The following PTPA variants were observed in gnomAD, a reference collection of about 807,000 sequenced individuals.
PTPA encodes protein phosphatase 2 phosphatase activator, also known as serine/threonine-protein phosphatase 2A activator.
PTPA carries 13 observed loss-of-function variants against 43.6 expected under a neutral mutation model. The ratio of observed to expected loss-of-function variants is 0.30; its 90% CI spans 0.19 to 0.47. The LOEUF is 0.47. Ranked by LOEUF, PTPA falls within the 20% of genes least tolerant of loss-of-function variation. The pLI is 0.99. For missense variants in PTPA, 329 were observed against 411.9 expected, an observed-to-expected ratio of 0.80 and a Z score of 1.74; for synonymous variants, 172 against 158.2, an observed-to-expected ratio of 1.09 and a Z score of -0.66.
rs1588511957 is a variant in PTPA at position 129,132,200 on chromosome 9, CG to C, written c.460+562del. 3.9e-5 allele frequency among the ~76,000 whole-genome samples: 6 copies of C among 152,038 alleles called. 1 individual carries two copies. In the East Asian group the frequency reaches 1.2e-3, roughly 29 times the overall value. On this transcript the variant is annotated intron_variant, in intron 5 of 9. Transcript: ENST00000393370. Reference sequence around the variant, plus strand: ...GGAAGTGTAGACAGGTGCAGTGGTGCGTGCCTGTAATCCTAGCACTTTTGGA... The same window carrying C: ...GGAAGTGTAGACAGGTGCAGTGGTGCTGCCTGTAATCCTAGCACTTTTGGA...
chr9:129,118,833 GC>G (rs1385124154), intron 1 of PTPA, among the ~76,000 whole-genome samples: 1 of 140,670 alleles, frequency 7.1e-6, no homozygotes, highest in African/African-American at 2.7e-5. Context: ...TTTTTTTGAT[GC>G]ATTAAACACC....
At position 129,140,645 on chromosome 9, in the gene PTPA, C is replaced by T. The variant is rs550831980; in HGVS notation, c.787-1800C>T. ...CCGGGCAGGCCCCTGGCAGACAAAG[C>T]CGACAAAGCCGACAGGGTGCCTCCT... On this transcript the variant is annotated intron_variant, in intron 8 of 9. Coordinates refer to ENST00000393370, the MANE Select transcript of PTPA (RefSeq NM_178000.3). 1.6e-4 allele frequency among the ~76,000 whole-genome samples: 24 copies of T among 152,308 alleles called. 1 individual carries two copies. The South Asian group carries it at 4.8e-3, about 30-fold the overall frequency.
At chr9:129,111,150 C>T, upstream of PTPA, 1 of 1,233,916 alleles carries the variant, frequency 8.1e-7, no homozygotes, top group Non-Finnish European at 1.1e-6. Context: ...GGGTTAGGGT[C>T]AGTACCACCC....
rs532166761 is a variant in PTPA at position 129,148,933 on chromosome 9, T to C, written c.*1469T>C. On this transcript the variant is annotated 3_prime_UTR_variant, in exon 10 of 10. Coordinates refer to ENST00000393370, the MANE Select transcript of PTPA (RefSeq NM_178000.3). ...ATTGCTGTTCAGATTAAAGCCTCTG[T>C]TTTGCACCTGTCACTTGTGTGAGGT... 6.6e-6 allele frequency: 1 copy of C among 152,426 alleles called. No homozygotes were observed. Among genetic ancestry groups the C allele is most frequent in the African/African-American group, 2.4e-5 (1 of 41,576 alleles). The allele number at this position is 152,426 out of a possible 1,614,324, so 9.4% of individuals were successfully genotyped here.
Position 129,132,216 on chromosome 9 carries a change from GC to G in PTPA, c.460+578del, listed in dbSNP as rs1588511973. ...GCAGTGGTGCGTGCCTGTAATCCTA[GC>G]ACTTTTGGAGGCTGAGGGGGAGGAT... is the stretch of plus-strand genomic sequence containing the variant. On this transcript the variant is annotated intron_variant, in intron 5 of 9. Transcript: ENST00000393370. Among the ~76,000 whole-genome samples, 6 of 152,278 alleles carry G rather than the reference GC, an allele frequency of 3.9e-5. 1 individual carries two copies. The East Asian group carries it at 1.2e-3, about 29-fold the overall frequency.
chr9:129,138,783 C>T (rs1404416594), intron 8 of PTPA, among the ~76,000 whole-genome samples: 1 of 152,234 alleles, frequency 6.6e-6, no homozygotes, highest in African/African-American at 2.4e-5. Context: ...TCGGCTCAGG[C>T]TTCTGCCAAA....
rs534035582 is a variant in PTPA at position 129,142,959 on chromosome 9, G to A, written c.894+407G>A. 8.8e-5 allele frequency: 123 copies of A among 1,403,422 alleles called. 1 individual carries two copies. In the East Asian group the frequency reaches 3.1e-3, roughly 35 times the overall value. 86.9% of individuals were successfully genotyped at this position (1,403,422 alleles called of 1,614,324 possible). A position where few individuals can be genotyped will look rare whatever the true frequency, so the allele number is the denominator to read the frequency against. On this transcript the variant is annotated intron_variant, in intron 9 of 9. Transcript: ENST00000393370. ...CTTACCCTTTGGAGGCATCTCCAAA[G>A]TGCTGCCTTCAAATGTTAGTGTGTA...
intron 4 of PTPA, 124 bp from the exon 5 acceptor site, chr9:129,131,398 G>A: frequency 1.3e-6 from 1 of 777,468 alleles, no homozygotes; most frequent in Non-Finnish European, 2.2e-6. Flanking sequence ...TGGCCTGTCA[G>A]AACAGGAACC....
At chr9:129,112,329 C>T (rs1020573180) in intron 1 of PTPA, among the ~76,000 whole-genome samples, 3 of 152,142 alleles carry the variant, frequency 2.0e-5, no homozygotes, top group African/African-American at 7.2e-5. Flanking sequence ...CCTTTTTGTG[C>T]AGAAGGAGAA....
chr9:129,119,046 TG>T, intron 1 of PTPA: 1 of 166,082 alleles, frequency 6.0e-6, no homozygotes, highest in South Asian at 1.2e-4. Context: ...TTGTCCAGGC[TG>T]GAGTGCAGTG....
intron 3 of PTPA, among the ~76,000 whole-genome samples, chr9:129,126,157 A>T (rs865875204): frequency 8.9e-4 from 135 of 152,162 alleles, no homozygotes; most frequent in Non-Finnish European, 1.5e-3. Flanking sequence ...TCAAAAAGAA[A>T]AAAAAAACTA....
chr9:129,141,150 G>T (rs1850787429), intron 8 of PTPA, among the ~76,000 whole-genome samples: 1 of 151,784 alleles, frequency 6.6e-6, no homozygotes, highest in Non-Finnish European at 1.5e-5. Flanking sequence ...AAAATGACAG[G>T]TTTTTTTTGA....
At chr9:129,119,095 C>T (rs1849082380) in intron 1 of PTPA, 2 of 182,748 alleles carry the variant, frequency 1.1e-5, no homozygotes, top group Non-Finnish European at 2.4e-5. Flanking sequence ...ACCTCCTGGA[C>T]TCAGGTGATC....
At position 129,135,039 on chromosome 9, in the gene PTPA, G is replaced by A. The variant is rs1192462992; in HGVS notation, c.560+145G>A. The A allele has an allele frequency of 2.9e-5, 19 of 646,168 alleles. No homozygotes were observed. The Admixed American group carries it at 5.9e-4, about 20-fold the overall frequency. The allele number at this position is 646,168 out of a possible 1,614,324, so 40.0% of individuals were successfully genotyped here. A position where few individuals can be genotyped will look rare whatever the true frequency, so the allele number is the denominator to read the frequency against. On this transcript the variant is annotated intron_variant, in intron 6 of 9. Transcript: ENST00000393370. The stretch of plus-strand genomic sequence containing the variant: ...TCCTAATCAAGCTCTGGCTGTGGAT[G>A]GAGTGTCCAAGCCTTTTTTCCAACA...
chr9:129,124,380 G>C (rs1849444937), intron 3 of PTPA, among the ~76,000 whole-genome samples: 2 of 151,852 alleles, frequency 1.3e-5, no homozygotes, highest in Admixed American at 1.3e-4. Context: ...CAGACTTTTA[G>C]GTTGTCTTGG....
Position 129,148,273 on chromosome 9 carries a change from C to T in PTPA, c.*809C>T, listed in dbSNP as rs1034175207. 1 of 152,530 alleles carries T rather than the reference C, an allele frequency of 6.6e-6. No individual in the cohort carries two copies. Among genetic ancestry groups the T allele is most frequent in the Non-Finnish European group, 1.5e-5 (1 of 68,258 alleles). 9.4% of individuals were successfully genotyped at this position (152,530 alleles called of 1,614,324 possible). A position where few individuals can be genotyped will look rare whatever the true frequency, so the allele number is the denominator to read the frequency against. ...GTGAGGCATGTCTTTCCAGAACTTTCCCTGGCAGGGAGGGGATGGCAGAAA... is the reference window on the plus strand; with the variant it reads ...GTGAGGCATGTCTTTCCAGAACTTTTCCTGGCAGGGAGGGGATGGCAGAAA... On this transcript the variant is annotated 3_prime_UTR_variant, in exon 10 of 10. Coordinates refer to ENST00000393370, the MANE Select transcript of PTPA (RefSeq NM_178000.3).
chr9:129,136,584 C>T lies in PTPA; in HGVS notation c.674C>T (p.Ser225Leu). The T allele has an allele frequency of 1.2e-6, 2 of 1,612,776 alleles. No homozygotes were observed. The highest frequency in any genetic ancestry group is 1.7e-6 in the Non-Finnish European group (2 of 1,179,300). Reference sequence around the variant, plus strand: ...TTTCTGCCCTTCATCTGGGGCAGTTCGCAGCTGATAGGTACTAGAGCGGGA... The same window carrying T: ...TTTCTGCCCTTCATCTGGGGCAGTTTGCAGCTGATAGGTACTAGAGCGGGA... ...FQFLPFIWGS[S>L]QLIDHPYLEP... The change falls in exon 7 of 10, where the codon TCG becomes TTG. Residue 225 changes from serine (S) to leucine (L), a missense_variant. Physicochemically the swap from Ser to Leu is moderately radical, Grantham distance 145. Coordinates refer to ENST00000393370, the MANE Select transcript of PTPA (RefSeq NM_178000.3).
chr9:129,133,026 T>A (rs990228472), intron 5 of PTPA, among the ~76,000 whole-genome samples: 1 of 150,874 alleles, frequency 6.6e-6, no homozygotes, highest in Admixed American at 6.6e-5. Context: ...CTCAAAAATA[T>A]AGAAGGGAGG....
In PTPA at chr9:129,134,870, C is replaced by T; in HGVS notation, c.536C>T (p.Ala179Val). Residue 179 changes from alanine to valine, a missense_variant, in exon 6 of 10, where the codon GCT becomes GTT. By Grantham distance (64) the Ala-to-Val change is moderately conservative (BLOSUM62 0). Transcript: ENST00000393370. ...GTGCTCCGGGTGGATGACCAAATAGCTATTGTCTTCAAGGTGTTCAATCGG... is the reference window on the plus strand; with the variant it reads ...GTGCTCCGGGTGGATGACCAAATAGTTATTGTCTTCAAGGTGTTCAATCGG... ...IGVLRVDDQIAIVFKVFNRYL... is the reference protein window; with the variant it reads ...IGVLRVDDQIVIVFKVFNRYL... The T allele has an allele frequency of 6.2e-7, 1 of 1,613,682 alleles. No individual in the cohort carries two copies.
Sources: allele counts gnomAD v4.1 joint callset (sites outside exome capture counted in the v4.1 genomes callset), GRCh38; gene constraint gnomAD v4.1.1; transcripts MANE v1.5; gene names NCBI Gene and HGNC (gene_info 2026-07-23, HGNC 2026-07-21).